Variants in FAM171A1 observed in about 807,000 individuals in gnomAD.
The protein encoded by FAM171A1 is family with sequence similarity 171 member A1.
Under a neutral mutation model 74.9 loss-of-function variants are expected in FAM171A1, and 23 were observed. The observed-to-expected ratio is 0.31, with a 90% CI of 0.22 to 0.44. The LOEUF is 0.44. Ranked by LOEUF, FAM171A1 falls within the 20% of genes least tolerant of loss-of-function variation. The pLI is 1.00. For synonymous variants in FAM171A1, 527 were observed against 505.7 expected, an observed-to-expected ratio of 1.04 and a Z score of -0.57; for missense variants, 1,162 against 1,159.2, an observed-to-expected ratio of 1.00 and a Z score of -0.03.
chr10:15,255,750 C>T (rs555081676), intron 3 of FAM171A1, among the ~76,000 whole-genome samples: 1 of 151,836 alleles, frequency 6.6e-6, no homozygotes, highest in South Asian at 2.1e-4. Context: ...CCCGTTCAAG[C>T]GATTCCCCTG....
intron 3 of FAM171A1, among the ~76,000 whole-genome samples, chr10:15,258,469 T>C (rs1191694254): frequency 6.6e-6 from 1 of 152,180 alleles, no homozygotes; most frequent in Non-Finnish European, 1.5e-5. Context: ...GCAATCTCTT[T>C]CTCTATAGGC....
chr10:15,369,177 C>T (rs191618852), intron 1 of FAM171A1, among the ~76,000 whole-genome samples: 1 of 143,098 alleles, frequency 7.0e-6, no homozygotes, highest in East Asian at 1.9e-4. Context: ...CTGGGTAAAA[C>T]GTGGTCTTAG....
chr10:15,343,726 G>A (rs1835790393), intron 1 of FAM171A1, among the ~76,000 whole-genome samples: 1 of 152,124 alleles, frequency 6.6e-6, no homozygotes, highest in South Asian at 2.1e-4. Flanking sequence ...TCTGGACGGG[G>A]GACAGCCTTG....
chr10:15,315,281 A>C (rs1835408704), intron 1 of FAM171A1, among the ~76,000 whole-genome samples: 1 of 152,118 alleles, frequency 6.6e-6, no homozygotes, highest in Non-Finnish European at 1.5e-5. Context: ...TGATGGGCGC[A>C]AGCTGTCTCA....
In FAM171A1 at chr10:15,316,628, G is replaced by A. The variant is rs569426955; in HGVS notation, c.98-32523C>T. ...CCTTTCAATAAGCAGGGAAGCCCAG[G>A]TGGAATCCCAGAAAGCAGCTGTTTC... On this transcript the variant is annotated intron_variant, in intron 1 of 7. Coordinates refer to ENST00000378116, the MANE Select transcript of FAM171A1 (RefSeq NM_001010924.2). Among the ~76,000 whole-genome samples the A allele has an allele frequency of 1.5e-4, 23 of 152,296 alleles. 1 individual carries two copies. The South Asian group carries it at 4.8e-3, about 32-fold the overall frequency.
chr10:15,343,534 G>C (rs1835787903), intron 1 of FAM171A1, among the ~76,000 whole-genome samples: 1 of 152,230 alleles, frequency 6.6e-6, no homozygotes, highest in Non-Finnish European at 1.5e-5. Flanking sequence ...GAACCAGAGA[G>C]GACGACATCT....
chr10:15,292,854 CCTAA>C (rs909625615), intron 1 of FAM171A1, among the ~76,000 whole-genome samples: 1 of 152,106 alleles, frequency 6.6e-6, no homozygotes, highest in African/African-American at 2.4e-5. Flanking sequence ...AATTATCATG[CCTAA>C]CTAAAGTAAT....
At chr10:15,296,889 C>G (rs1835167832) in intron 1 of FAM171A1, among the ~76,000 whole-genome samples, 1 of 152,176 alleles carries the variant, frequency 6.6e-6, no homozygotes, top group Non-Finnish European at 1.5e-5. Context: ...GTTCTATCAT[C>G]TCAGGCAACT....
chr10:15,228,016 A>G (rs962606000), intron 5 of FAM171A1, among the ~76,000 whole-genome samples: 2 of 152,204 alleles, frequency 1.3e-5, no homozygotes, highest in Non-Finnish European at 2.9e-5. Context: ...AAGAAAAGTG[A>G]GTTCAAAGAT....
intron 5 of FAM171A1, among the ~76,000 whole-genome samples, chr10:15,229,654 TCACCATTGTCACCCC>T: frequency 7.3e-6 from 1 of 137,734 alleles, no homozygotes; most frequent in South Asian, 2.4e-4. Context: ...ATCACCATCA[TCACCATTGTCACCCC>T]CATCACCATC....
intron 1 of FAM171A1, among the ~76,000 whole-genome samples, chr10:15,323,018 T>C (rs1301922195): frequency 6.6e-6 from 1 of 150,920 alleles, no homozygotes; most frequent in Non-Finnish European, 1.5e-5. Context: ...TGCACGCCTA[T>C]AATCCCAGCT....
At chr10:15,220,120 C>T (rs1008063076) in intron 6 of FAM171A1, among the ~76,000 whole-genome samples, 19 of 152,148 alleles carry the variant, frequency 1.2e-4, no homozygotes, top group Non-Finnish European at 7.3e-5. Flanking sequence ...CAGCACATTT[C>T]GACCTAGCTA....
chr10:15,359,755 T>C (rs186098341), intron 1 of FAM171A1, among the ~76,000 whole-genome samples: 15 of 152,234 alleles, frequency 9.9e-5, no homozygotes, highest in African/African-American at 3.6e-4. Flanking sequence ...CAACTGGACA[T>C]GCAGGAGGCC....
intron 1 of FAM171A1, among the ~76,000 whole-genome samples, chr10:15,296,913 A>T (rs1835168218): frequency 6.6e-6 from 1 of 152,172 alleles, no homozygotes; most frequent in African/African-American, 2.4e-5. Context: ...GCTTATGTTA[A>T]ACCTCGTGAA....
chr10:15,241,897 G>T (rs1275178830), intron 5 of FAM171A1: 2 of 151,896 alleles, frequency 1.3e-5, no homozygotes, highest in Admixed American at 6.6e-5. Flanking sequence ...TCCCCCATTT[G>T]ATTTTTTTCT....
chr10:15,267,849 C>T (rs1834767317), intron 3 of FAM171A1, among the ~76,000 whole-genome samples: 1 of 141,308 alleles, frequency 7.1e-6, no homozygotes, highest in Non-Finnish European at 1.5e-5. Flanking sequence ...GGTGTCACTG[C>T]AGACCCTGCA....
At chr10:15,231,097 C>A (rs1834199404) in intron 5 of FAM171A1, among the ~76,000 whole-genome samples, 1 of 152,212 alleles carries the variant, frequency 6.6e-6, no homozygotes, top group African/African-American at 2.4e-5. Flanking sequence ...AATTACAAAT[C>A]TGGAGACATG....
chr10:15,212,353 T>C lies in FAM171A1; in HGVS notation c.*562A>G, dbSNP rs1471418338. The stretch of plus-strand genomic sequence containing the variant: ...AGGAATCAAATCTTTACAACCAAAT[T>C]GCATTTAAGCGACAACAAAAAAAGG... On this transcript the variant is annotated 3_prime_UTR_variant, in exon 8 of 8. Transcript: ENST00000378116. 6.4e-6 allele frequency: 1 copy of C among 156,326 alleles called. No individual in the cohort carries two copies. Among genetic ancestry groups the C allele is most frequent in the Non-Finnish European group, 1.4e-5 (1 of 70,428 alleles). The allele number at this position is 156,326 out of a possible 1,614,324, so 9.7% of individuals were successfully genotyped here.
intron 3 of FAM171A1, among the ~76,000 whole-genome samples, chr10:15,258,015 CG>C: frequency 6.6e-6 from 1 of 152,250 alleles, no homozygotes; most frequent in South Asian, 2.1e-4. Context: ...CCTGAAAATA[CG>C]GGGGTCCCCG....
Sources: allele counts gnomAD v4.1 joint callset (sites outside exome capture counted in the v4.1 genomes callset), GRCh38; gene constraint gnomAD v4.1.1; transcripts MANE v1.5; gene names NCBI Gene and HGNC (gene_info 2026-07-23, HGNC 2026-07-21).